RALGAPA2: variants seen among roughly 807,000 people sequenced by gnomAD.
RALGAPA2 encodes the protein ral GTPase-activating protein subunit alpha-2.
Under a neutral mutation model 230.4 loss-of-function variants are expected in RALGAPA2, and 139 were observed. The observed-to-expected ratio is 0.60, with a 90% CI of 0.53 to 0.69. The LOEUF (loss-of-function observed/expected upper bound fraction) is 0.69, where lower values mean the gene tolerates loss of function less well. Ranked by LOEUF, RALGAPA2 falls within the 30% of genes least tolerant of loss-of-function variation. The pLI, the probability that RALGAPA2 is intolerant of heterozygous loss-of-function variation, is 0.00. For missense variants in RALGAPA2, 2,163 were observed against 2,276.0 expected, an observed-to-expected ratio of 0.95 and a Z score of 1.01; for synonymous variants, 847 against 837.8, an observed-to-expected ratio of 1.01 and a Z score of -0.19.
chr20:20,392,150 C>T lies in RALGAPA2; in HGVS notation c.*1139G>A, dbSNP rs1033412503. The T allele has an allele frequency of 6.6e-6, 1 of 152,022 alleles. No individual in the cohort carries two copies. The highest frequency in any genetic ancestry group is 1.5e-5 in the Non-Finnish European group (1 of 68,026). The allele number at this position is 152,022 out of a possible 1,614,324, so 9.4% of individuals were successfully genotyped here. A position where few individuals can be genotyped will look rare whatever the true frequency, so the allele number is the denominator to read the frequency against. On this transcript the variant is annotated 3_prime_UTR_variant, in exon 40 of 40. Transcript: ENST00000202677. ...CCCAGCAGGAGAGGGCTCACCATTG[C>T]TTCTCTTTTCATTCATTCATTCATT... is the stretch of plus-strand genomic sequence containing the variant.
chr20:20,403,826 C>T (rs1393963145), intron 38 of RALGAPA2, among the ~76,000 whole-genome samples: 1 of 152,252 alleles, frequency 6.6e-6, no homozygotes, highest in African/African-American at 2.4e-5. Flanking sequence ...GGTGTGCACA[C>T]TTCCTGTTTT....
chr20:20,501,455 T>C (rs1353078693), intron 35 of RALGAPA2, among the ~76,000 whole-genome samples: 1 of 152,206 alleles, frequency 6.6e-6, no homozygotes, highest in East Asian at 1.9e-4. Context: ...GCTTCAAACT[T>C]TTCTTCTGCA....
chr20:20,611,108 G>A (rs569527673), intron 14 of RALGAPA2, among the ~76,000 whole-genome samples: 1 of 152,278 alleles, frequency 6.6e-6, no homozygotes, highest in South Asian at 2.1e-4. Flanking sequence ...ATTAAAAGAG[G>A]AAGTAGGTAG....
chr20:20,596,083 TTTC>T, intron 16 of RALGAPA2, among the ~76,000 whole-genome samples: 1 of 152,164 alleles, frequency 6.6e-6, no homozygotes, highest in East Asian at 1.9e-4. Context: ...CCCAACTGTG[TTTC>T]TTTATGTAGC....
intron 3 of RALGAPA2, among the ~76,000 whole-genome samples, chr20:20,657,214 A>G (rs2067618859): frequency 6.6e-6 from 1 of 152,228 alleles, no homozygotes; most frequent in Non-Finnish European, 1.5e-5. Context: ...CACGAGGCAG[A>G]GCTGACAAAT....
At chr20:20,635,350 C>T (rs1375588468) in intron 9 of RALGAPA2, 68 bp downstream of exon 9, 3 of 1,451,526 alleles carry the variant, frequency 2.1e-6, no homozygotes, top group East Asian at 2.3e-5. Flanking sequence ...CAATCAATAA[C>T]TTTGGCTATG....
chr20:20,584,583 C>T (rs1356964915), intron 19 of RALGAPA2, among the ~76,000 whole-genome samples: 1 of 152,152 alleles, frequency 6.6e-6, no homozygotes, highest in East Asian at 1.9e-4. Flanking sequence ...CATTCAAAAC[C>T]AGCCTGGGCA....
intron 9 of RALGAPA2, among the ~76,000 whole-genome samples, chr20:20,630,031 T>C (rs1005427659): frequency 7.2e-5 from 11 of 152,250 alleles, no homozygotes; most frequent in Admixed American, 2.0e-4. Flanking sequence ...ATTTGATTCA[T>C]ATGACTAAGC....
intron 23 of RALGAPA2, among the ~76,000 whole-genome samples, chr20:20,559,685 T>C (rs1237137859): frequency 6.6e-6 from 1 of 152,126 alleles, no homozygotes; most frequent in Middle Eastern, 3.2e-3. Context: ...TTTAATGAGA[T>C]GCTTTAAGTG....
intron 10 of RALGAPA2, among the ~76,000 whole-genome samples, chr20:20,627,462 G>T (rs962943132): frequency 9.9e-5 from 15 of 152,216 alleles, no homozygotes; most frequent in Non-Finnish European, 5.9e-5. Flanking sequence ...GAGGCACCCA[G>T]TGCCACCTTG....
chr20:20,488,963 T>C (rs2061981771), intron 36 of RALGAPA2, among the ~76,000 whole-genome samples: 1 of 152,178 alleles, frequency 6.6e-6, no homozygotes, highest in Non-Finnish European at 1.5e-5. Flanking sequence ...CTGTTGCTCC[T>C]TTCGACATTT....
intron 18 of RALGAPA2, among the ~76,000 whole-genome samples, chr20:20,585,333 G>C (rs1045727007): frequency 1.3e-5 from 2 of 152,046 alleles, no homozygotes; most frequent in African/African-American, 2.4e-5. Flanking sequence ...TAAGTGTGCT[G>C]GTAGGGAAGG....
rs1398756789 is a variant in RALGAPA2, at chr20:20,712,477, A to C, written c.4T>G (p.Phe2Val). Residue 2 changes from phenylalanine to valine, a missense_variant, in exon 1 of 40, where the codon TTC becomes GTC. Transcript: ENST00000202677. This position sits in a 1 kb window ranked among gnomAD's most constrained non-coding sequence, Gnocchi z 5.5. The part of the protein sequence containing the change: M[F>V]SRRSHGDVKK... ...ACATCCCCGTGGCTCCTTCGGGAGAACATCCCGCGGCAGGAAGCCCGGGCC... is the reference window on the plus strand; with the variant it reads ...ACATCCCCGTGGCTCCTTCGGGAGACCATCCCGCGGCAGGAAGCCCGGGCC... The C allele has an allele frequency of 3.2e-6, 5 of 1,546,396 alleles. No individual in the cohort carries two copies. Among genetic ancestry groups the C allele is most frequent in the Non-Finnish European group, 1.7e-6 (2 of 1,145,096 alleles).
rs2060650991 is a variant in RALGAPA2, at chr20:20,437,954, T to A, written c.5496-25806A>T. Among the ~76,000 whole-genome samples the A allele has an allele frequency of 6.6e-6, 1 of 152,130 alleles. No homozygotes were observed. Among genetic ancestry groups the A allele is most frequent in the South Asian group, 2.1e-4 (1 of 4,826 alleles). On this transcript the variant is annotated intron_variant, in intron 37 of 39. Coordinates refer to ENST00000202677, the MANE Select transcript of RALGAPA2 (RefSeq NM_020343.4). The surrounding 1 kb of genome is among the most constrained non-coding windows in gnomAD (Gnocchi z 4.1). Reference sequence around the variant, plus strand: ...GGCTGAAGGAACAACACTGCAGTGGTTCCAGTGGATCCTGACTCCGTGGTT... The same window carrying A: ...GGCTGAAGGAACAACACTGCAGTGGATCCAGTGGATCCTGACTCCGTGGTT...
At chr20:20,591,454 T>A in intron 16 of RALGAPA2, 140 bp from the exon 17 acceptor site, 1 of 1,064,244 alleles carries the variant, frequency 9.4e-7, no homozygotes, top group South Asian at 1.7e-5. Context: ...TGCATTTAAA[T>A]GATCAAGTTT....
At chr20:20,593,386 AT>A (rs967649553) in intron 16 of RALGAPA2, among the ~76,000 whole-genome samples, 29 of 152,360 alleles carry the variant, frequency 1.9e-4, no homozygotes, top group African/African-American at 6.7e-4. Flanking sequence ...ATATGTGCAC[AT>A]TTTTAATCTA....
At chr20:20,604,205 A>G (rs767843409) in intron 15 of RALGAPA2, among the ~76,000 whole-genome samples, 5 of 152,190 alleles carry the variant, frequency 3.3e-5, no homozygotes, top group African/African-American at 4.8e-5. Flanking sequence ...ATGCCTTTCT[A>G]TGAGCTGCCT....
intron 38 of RALGAPA2, among the ~76,000 whole-genome samples, chr20:20,409,110 C>T (rs1387615101): frequency 6.6e-6 from 1 of 152,202 alleles, no homozygotes; most frequent in African/African-American, 2.4e-5. Context: ...CTGGCCAACC[C>T]ACCCCCGCAG....
chr20:20,487,070 G>A (rs1237469710), intron 36 of RALGAPA2, among the ~76,000 whole-genome samples: 3 of 151,680 alleles, frequency 2.0e-5, no homozygotes, highest in South Asian at 2.1e-4. Flanking sequence ...ATTTGAGTCC[G>A]GTTTTGATGC....
Sources: gnomAD v4.1 joint callset for allele counts (sites outside exome capture counted in the v4.1 genomes callset) on GRCh38, gnomAD v4.1.1 for gene constraint, Gnocchi (gnomAD v3.1) non-coding constraint, MANE v1.5 for transcripts, NCBI Gene and HGNC (gene_info 2026-07-23, HGNC 2026-07-21) for gene names.